The following MCM6 variants were observed in gnomAD, a reference collection of about 807,000 sequenced individuals.
MCM6 encodes the protein minichromosome maintenance complex component 6.
MCM6 carries 46 observed loss-of-function variants against 94.3 expected under a neutral mutation model. That is an observed-to-expected ratio of 0.49 (90% CI 0.39 to 0.62). The LOEUF (loss-of-function observed/expected upper bound fraction) is 0.62. MCM6 is among the 20% of genes least tolerant of loss of function. The pLI is 0.00. For missense variants in MCM6, 865 were observed against 1,017.9 expected, an observed-to-expected ratio of 0.85 and a Z score of 2.04; for synonymous variants, 335 against 351.9, an observed-to-expected ratio of 0.95 and a Z score of 0.54.
At chr2:135,874,027 A>T (rs559704945) in intron 1 of MCM6, among the ~76,000 whole-genome samples, 1 of 152,196 alleles carries the variant, frequency 6.6e-6, no homozygotes, top group Non-Finnish European at 1.5e-5. Flanking sequence ...AACAGGAAAG[A>T]GGAGTGATGA....
chr2:135,840,611 C>T lies in MCM6; in HGVS notation c.*224G>A. 2.0e-6 allele frequency: 1 copy of T among 496,488 alleles called. No individual in the cohort carries two copies. Among genetic ancestry groups the T allele is most frequent in the Non-Finnish European group, 3.6e-6 (1 of 276,140 alleles). 30.8% of individuals were successfully genotyped at this position (496,488 alleles called of 1,614,324 possible). ...TACACATTATTTGGTTCCAACTTCA[C>T]TGGGACAGGAAACACACCAAAGGAA... On this transcript the variant is annotated 3_prime_UTR_variant, in exon 17 of 17. Transcript: ENST00000264156.
At position 135,840,140 on chromosome 2, in the gene MCM6, C is replaced by T. The variant is rs921889179; in HGVS notation, c.*695G>A. On this transcript the variant is annotated 3_prime_UTR_variant, in exon 17 of 17. Coordinates refer to ENST00000264156, the MANE Select transcript of MCM6 (RefSeq NM_005915.6). Reference sequence around the variant, plus strand: ...CTAAAAAAGCAATTTGAAAACAATCCTGAGAAATTACCCTTAGGACACAGA... The same window carrying T: ...CTAAAAAAGCAATTTGAAAACAATCTTGAGAAATTACCCTTAGGACACAGA... The T allele has an allele frequency of 2.0e-5, 3 of 151,410 alleles. No individual in the cohort carries two copies. The highest frequency in any genetic ancestry group is 7.3e-5 in the African/African-American group (3 of 41,118). 9.4% of individuals were successfully genotyped at this position (151,410 alleles called of 1,614,324 possible). A position where few individuals can be genotyped will look rare whatever the true frequency, so the allele number is the denominator to read the frequency against.
intron 8 of MCM6, among the ~76,000 whole-genome samples, chr2:135,859,928 C>T (rs188835407): frequency 1.3e-5 from 2 of 152,002 alleles, no homozygotes; most frequent in Admixed American, 6.6e-5. Flanking sequence ...CTCAGCCTCC[C>T]GAGTTGCTGG....
chr2:135,849,075 G>C, intron 13 of MCM6, among the ~76,000 whole-genome samples: 1 of 152,178 alleles, frequency 6.6e-6, no homozygotes, highest in East Asian at 1.9e-4. Context: ...GAAAGATAAC[G>C]GTATTTGTGG....
At chr2:135,842,946 A>G (rs1389704792) in intron 16 of MCM6, among the ~76,000 whole-genome samples, 3 of 152,310 alleles carry the variant, frequency 2.0e-5, no homozygotes, top group African/African-American at 7.2e-5. Context: ...TAGTAAAATA[A>G]TCTGATTTAT....
intron 4 of MCM6, 82 bp downstream of exon 4, chr2:135,868,529 A>G: frequency 7.1e-7 from 1 of 1,408,800 alleles, no homozygotes; most frequent in Non-Finnish European, 9.9e-7. Context: ...GTTGAACATT[A>G]TCTAAATAAG....
At position 135,862,662 on chromosome 2, in the gene MCM6, C is replaced by T. The variant is rs765552914; in HGVS notation, c.1165G>A (p.Asp389Asn). 1.9e-6 allele frequency: 3 copies of T among 1,614,002 alleles called. No homozygotes were observed. Among genetic ancestry groups the T allele is most frequent in the African/African-American group, 2.7e-5 (2 of 74,894 alleles). ...TTGEGTSLRG[D>N]INVCIVGDPS... ...TCACCAACAATGCAAACATTTATGT[C>T]CCCTCGAAGAGAGGTCCCTTCTCCT... Residue 389 changes from aspartate to asparagine, a missense_variant, in exon 8 of 17, where the codon GAC becomes AAC. Coordinates refer to ENST00000264156, the MANE Select transcript of MCM6 (RefSeq NM_005915.6).
At chr2:135,846,431 C>A (rs1337903294) in intron 14 of MCM6, 39 bp from the exon 15 acceptor site, 1 of 1,561,636 alleles carries the variant, frequency 6.4e-7, no homozygotes, top group Non-Finnish European at 8.8e-7. Context: ...TATTTTTGTG[C>A]CCTTAACATC....
chr2:135,856,900 G>A lies in MCM6; in HGVS notation c.1471-17C>T. 2 of 1,599,708 alleles carry A rather than the reference G, an allele frequency of 1.3e-6. No homozygotes were observed. The highest frequency in any genetic ancestry group is 1.7e-6 in the Non-Finnish European group (2 of 1,174,142). On this transcript the variant is annotated splice_polypyrimidine_tract_variant and intron_variant, in intron 10 of 16. Transcript: ENST00000264156. ...CAGAGTAGCCTGACCACAAAAGAAA[G>A]AATCTTAACAGATTTAAATAGACAT...
At chr2:135,870,030 A>G (rs757074368) in intron 3 of MCM6, among the ~76,000 whole-genome samples, 1 of 152,122 alleles carries the variant, frequency 6.6e-6, no homozygotes, top group Non-Finnish European at 1.5e-5. Flanking sequence ...AAGTAATTTT[A>G]CAGCAACAAA....
At position 135,876,401 on chromosome 2, in the gene MCM6, T is replaced by A; in HGVS notation, c.-36A>T. Reference sequence around the variant, plus strand: ...TGCCGAGGATTCGCCTGCGCCACGCTCGACCGCCACAAGTCGCTTTTTTCC... The same window carrying A: ...TGCCGAGGATTCGCCTGCGCCACGCACGACCGCCACAAGTCGCTTTTTTCC... On this transcript the variant is annotated 5_prime_UTR_variant, in exon 1 of 17. Coordinates refer to ENST00000264156, the MANE Select transcript of MCM6 (RefSeq NM_005915.6). 4 of 1,531,602 alleles carry A rather than the reference T, an allele frequency of 2.6e-6. No homozygotes were observed. The highest frequency in any genetic ancestry group is 3.5e-6 in the Non-Finnish European group (4 of 1,135,716). 94.9% of individuals were successfully genotyped at this position (1,531,602 alleles called of 1,614,324 possible).
chr2:135,872,085 G>A (rs1259726171), intron 2 of MCM6, among the ~76,000 whole-genome samples: 1 of 152,142 alleles, frequency 6.6e-6, no homozygotes, highest in Non-Finnish European at 1.5e-5. Flanking sequence ...AAGTAAGTAA[G>A]TACAGTTTTC....
At chr2:135,842,395 T>C (rs1416500589) in intron 16 of MCM6, among the ~76,000 whole-genome samples, 1 of 152,158 alleles carries the variant, frequency 6.6e-6, no homozygotes, top group Non-Finnish European at 1.5e-5. Context: ...GTAATATTTA[T>C]ATAGTGAGCC....
chr2:135,849,533 T>C (rs1281811831), intron 13 of MCM6, among the ~76,000 whole-genome samples: 1 of 152,210 alleles, frequency 6.6e-6, no homozygotes, highest in East Asian at 1.9e-4. Context: ...ATACCAGGTT[T>C]TTCTTTAAAA....
In MCM6 at chr2:135,876,410, A is replaced by AC; in HGVS notation, c.-46dup. 1 of 1,522,564 alleles carries AC rather than the reference A, an allele frequency of 6.6e-7. No homozygotes were observed. The highest frequency in any genetic ancestry group is 8.8e-7 in the Non-Finnish European group (1 of 1,130,918). 94.3% of individuals were successfully genotyped at this position (1,522,564 alleles called of 1,614,324 possible). ...TTCGCCTGCGCCACGCTCGACCGCC[A>AC]CAAGTCGCTTTTTTCCAGACGCTGC... On this transcript the variant is annotated 5_prime_UTR_variant, in exon 1 of 17. Transcript: ENST00000264156.
chr2:135,844,161 G>A (rs187718181), intron 16 of MCM6, among the ~76,000 whole-genome samples: 12 of 151,992 alleles, frequency 7.9e-5, no homozygotes, highest in Admixed American at 2.6e-4. Context: ...TTGGGGTTTC[G>A]CCAAGCAAGT....
chr2:135,866,397 G>A, intron 5 of MCM6, 120 bp from the exon 6 acceptor site: 1 of 1,409,512 alleles, frequency 7.1e-7, no homozygotes, highest in South Asian at 1.3e-5. Flanking sequence ...AATACTTTCA[G>A]AATAGCACCA....
chr2:135,864,971 T>C (rs200624799), intron 7 of MCM6, 42 bp downstream of exon 7: 1 of 1,320,426 alleles, frequency 7.6e-7, no homozygotes, highest in Non-Finnish European at 9.9e-7. Context: ...ATAATCATTA[T>C]TTTGATTTCA....
In MCM6 at chr2:135,840,714, A is replaced by C; in HGVS notation, c.*121T>G. 1.5e-6 allele frequency: 1 copy of C among 675,512 alleles called. No homozygotes were observed. The highest frequency in any genetic ancestry group is 2.6e-6 in the Non-Finnish European group (1 of 383,508). The allele number at this position is 675,512 out of a possible 1,614,324, so 41.8% of individuals were successfully genotyped here. A position where few individuals can be genotyped will look rare whatever the true frequency, so the allele number is the denominator to read the frequency against. ...CATCAACTCAATTCTTGTTTCTGAA[A>C]ACAAATCCTGGAAGCATCACTTCCA... is the stretch of plus-strand genomic sequence containing the variant. On this transcript the variant is annotated 3_prime_UTR_variant, in exon 17 of 17. Coordinates refer to ENST00000264156, the MANE Select transcript of MCM6 (RefSeq NM_005915.6).
Sources: gnomAD v4.1 joint callset for allele counts (sites outside exome capture counted in the v4.1 genomes callset) on GRCh38, gnomAD v4.1.1 for gene constraint, MANE v1.5 for transcripts, NCBI Gene and HGNC (gene_info 2026-07-23, HGNC 2026-07-21) for gene names.